The following CAMK2D variants were observed in gnomAD, a reference collection of about 807,000 sequenced individuals.
The protein encoded by CAMK2D is calcium/calmodulin-dependent protein kinase type II subunit delta.
A neutral mutation model predicts 84.0 loss-of-function variants in CAMK2D; 37 were observed. The observed-to-expected ratio is 0.44, with a 90% CI of 0.34 to 0.58. The LOEUF is 0.58. Among genes scored for constraint, CAMK2D ranks in the 20% least tolerant of loss-of-function variants. CAMK2D has a pLI of 0.02. For missense variants in CAMK2D, 448 were observed against 652.5 expected (o/e 0.69, Z 3.41); for synonymous variants, 202 against 212.5 (o/e 0.95, Z 0.43).
intron 16 of CAMK2D, among the ~76,000 whole-genome samples, chr4:113,471,212 C>T (rs1280535881): frequency 1.3e-5 from 2 of 152,134 alleles, no homozygotes; most frequent in African/African-American, 4.8e-5. Context: ...TCTTTGTTTC[C>T]ATATCCAATC....
intron 13 of CAMK2D, among the ~76,000 whole-genome samples, chr4:113,506,930 C>G (rs1360637716): frequency 6.6e-6 from 1 of 151,544 alleles, no homozygotes; most frequent in Non-Finnish European, 1.5e-5. Context: ...CATTCACACA[C>G]AGATACACAG....
chr4:113,535,991 A>G (rs1231166570), intron 7 of CAMK2D, among the ~76,000 whole-genome samples: 1 of 151,934 alleles, frequency 6.6e-6, no homozygotes, highest in African/African-American at 2.4e-5. Flanking sequence ...TTCCTGTTCA[A>G]CCCTTAACTC....
chr4:113,576,665 C>T (rs1256643202), intron 4 of CAMK2D, among the ~76,000 whole-genome samples: 1 of 151,800 alleles, frequency 6.6e-6, no homozygotes, highest in Non-Finnish European at 1.5e-5. Context: ...ACAAAGTGAA[C>T]CTTAAAAATA....
chr4:113,624,670 G>A (rs1158098141), intron 3 of CAMK2D, among the ~76,000 whole-genome samples: 2 of 152,162 alleles, frequency 1.3e-5, no homozygotes, highest in Admixed American at 1.3e-4. Flanking sequence ...ATTTACTGTG[G>A]CTAGTATATT....
chr4:113,713,839 T>C (rs2099502968), intron 2 of CAMK2D, among the ~76,000 whole-genome samples: 1 of 151,814 alleles, frequency 6.6e-6, no homozygotes, highest in African/African-American at 2.4e-5. Flanking sequence ...GTGGCTTACA[T>C]ATTTACATGT....
intron 2 of CAMK2D, among the ~76,000 whole-genome samples, chr4:113,706,551 G>A (rs1380885558): frequency 6.6e-6 from 1 of 152,192 alleles, no homozygotes; most frequent in Non-Finnish European, 1.5e-5. Context: ...AGGCTCTGAA[G>A]TGAAAAGGAA....
At chr4:113,702,690 CT>C (rs2154349199) in intron 2 of CAMK2D, among the ~76,000 whole-genome samples, 1 of 152,240 alleles carries the variant, frequency 6.6e-6, no homozygotes, top group African/African-American at 2.4e-5. Flanking sequence ...AGGTGGATTA[CT>C]TGAGATCAGG....
intron 2 of CAMK2D, among the ~76,000 whole-genome samples, chr4:113,749,738 G>C (rs988739200): frequency 2.0e-5 from 3 of 152,080 alleles, no homozygotes; most frequent in Non-Finnish European, 4.4e-5. Flanking sequence ...TTTAAAAAAA[G>C]AGCAGCAATA....
At chr4:113,612,469 G>A (rs1197309727) in intron 3 of CAMK2D, among the ~76,000 whole-genome samples, 1 of 152,174 alleles carries the variant, frequency 6.6e-6, no homozygotes, top group African/African-American at 2.4e-5. Context: ...GCTCAAGACT[G>A]ACGGCATGGC....
chr4:113,754,547 T>C, intron 2 of CAMK2D: 1 of 975,016 alleles, frequency 1.0e-6, no homozygotes, highest in African/African-American at 1.8e-5. Context: ...CTAAACAAAG[T>C]TCTCACACAA....
At chr4:113,598,874 G>A (rs1440533844) in intron 4 of CAMK2D, among the ~76,000 whole-genome samples, 1 of 152,030 alleles carries the variant, frequency 6.6e-6, no homozygotes, top group Non-Finnish European at 1.5e-5. Context: ...CATCATGTTG[G>A]CCAGGCTGGT....
chr4:113,510,161 A>ATCT (rs1460805970), intron 12 of CAMK2D, among the ~76,000 whole-genome samples: 2 of 152,212 alleles, frequency 1.3e-5, no homozygotes, highest in African/African-American at 4.8e-5. Context: ...GCTAAATAAC[A>ATCT]TCTTCATTAC....
rs371748681 is a variant in CAMK2D, at chr4:113,596,754, G to A, written c.275+12398C>T. Among the ~76,000 whole-genome samples the A allele has an allele frequency of 4.6e-5, 7 of 152,086 alleles. No homozygotes were observed. In the South Asian group the frequency reaches 6.2e-4, roughly 14 times the overall value. On this transcript the variant is annotated intron_variant, in intron 4 of 20. Coordinates refer to ENST00000511664, the MANE Select transcript of CAMK2D (RefSeq NM_001321571.2). The stretch of plus-strand genomic sequence containing the variant: ...ATGTAAACAGATGTGCTGTCGTCTC[G>A]GCTTTGTTGTTATATTTATTGAGTA...
At chr4:113,498,381 T>C (rs906427840) in intron 16 of CAMK2D, among the ~76,000 whole-genome samples, 5 of 152,170 alleles carry the variant, frequency 3.3e-5, no homozygotes, top group African/African-American at 7.2e-5. Context: ...AGGTTTCTGA[T>C]ATCATTCAAT....
At chr4:113,495,451 AAAG>A (rs2097915581) in intron 16 of CAMK2D, among the ~76,000 whole-genome samples, 1 of 152,326 alleles carries the variant, frequency 6.6e-6, no homozygotes, top group East Asian at 1.9e-4. Context: ...CCCACACAGA[AAAG>A]AAGGTTTTCA....
chr4:113,649,422 T>G (rs964958762), intron 3 of CAMK2D, among the ~76,000 whole-genome samples: 1 of 152,226 alleles, frequency 6.6e-6, no homozygotes, highest in Non-Finnish European at 1.5e-5. Context: ...CGCCAATCAT[T>G]ACAGGTTTTC....
intron 2 of CAMK2D, among the ~76,000 whole-genome samples, chr4:113,730,943 G>A (rs545621789): frequency 6.6e-6 from 1 of 152,298 alleles, no homozygotes; most frequent in East Asian, 1.9e-4. Flanking sequence ...AACTAGTAGA[G>A]TCTTGTAACC....
intron 4 of CAMK2D, among the ~76,000 whole-genome samples, chr4:113,563,210 C>T (rs1293205171): frequency 1.3e-5 from 2 of 152,022 alleles, no homozygotes; most frequent in African/African-American, 2.4e-5. Context: ...GCCGAGATCA[C>T]GCCATTGCAC....
At chr4:113,674,661 T>A (rs2099310861) in intron 2 of CAMK2D, among the ~76,000 whole-genome samples, 1 of 152,096 alleles carries the variant, frequency 6.6e-6, no homozygotes, top group South Asian at 2.1e-4. Flanking sequence ...AATTAACAGA[T>A]CTACTGCCCA....
Sources: allele counts gnomAD v4.1 joint callset (sites outside exome capture counted in the v4.1 genomes callset), GRCh38; gene constraint gnomAD v4.1.1; transcripts MANE v1.5; gene names NCBI Gene and HGNC (gene_info 2026-07-23, HGNC 2026-07-21).